Variants in PTH2R observed in about 807,000 individuals in gnomAD.
The protein encoded by PTH2R is PTH2 receptor.
Under a neutral mutation model 60.3 loss-of-function variants are expected in PTH2R, and 59 were observed. The observed-to-expected ratio is 0.98, with a 90% confidence interval of 0.79 to 1.22. The LOEUF is 1.22. Among genes scored for constraint, PTH2R ranks in the 50% most tolerant of loss-of-function variants. PTH2R has a pLI of 0.00. For missense variants in PTH2R, 749 were observed against 682.6 expected (o/e 1.10, Z -1.08); for synonymous variants, 256 against 243.8 (o/e 1.05, Z -0.47).
chr2:208,458,698 T>C (rs891337656), intron 8 of PTH2R, among the ~76,000 whole-genome samples: 6 of 152,162 alleles, frequency 3.9e-5, no homozygotes, highest in Non-Finnish European at 5.9e-5. Flanking sequence ...GAACACGTGG[T>C]ATTTGGTTTT....
chr2:208,459,488 T>G (rs1702587987), intron 8 of PTH2R, among the ~76,000 whole-genome samples: 1 of 152,158 alleles, frequency 6.6e-6, no homozygotes, highest in African/African-American at 2.4e-5. Context: ...TGAAGTAAAA[T>G]AGAATTGCTG....
intron 9 of PTH2R, among the ~76,000 whole-genome samples, chr2:208,476,164 G>C (rs1277093403): frequency 6.6e-6 from 1 of 152,086 alleles, no homozygotes; most frequent in Non-Finnish European, 1.5e-5. Context: ...TGAAAAGAAA[G>C]GGACAAACAA....
chr2:208,434,026 A>G (rs1435356066), intron 2 of PTH2R, among the ~76,000 whole-genome samples: 1 of 152,182 alleles, frequency 6.6e-6, no homozygotes, highest in South Asian at 2.1e-4. Context: ...TAAGACCTCT[A>G]TTTTTGGCCA....
At chr2:208,431,354 A>G (rs1037651417) in intron 2 of PTH2R, among the ~76,000 whole-genome samples, 1 of 152,084 alleles carries the variant, frequency 6.6e-6, no homozygotes, top group African/African-American at 2.4e-5. Flanking sequence ...GATAATTGTA[A>G]TATCTATAGA....
In PTH2R at chr2:208,454,400, T is replaced by C. The variant is rs183677551; in HGVS notation, c.914+3591T>C. Among the ~76,000 whole-genome samples the C allele has an allele frequency of 1.7e-3, 253 of 152,282 alleles. 8 individuals carry two copies. The highest frequency in any genetic ancestry group is 0.016 in the Admixed American group (251 of 15,292). ...AGGTCATGAGAGTGGGGCCCTGTTA[T>C]GAAAGGATTAGTGTCCTTATAAGAA... On this transcript the variant is annotated intron_variant, in intron 8 of 12. Coordinates refer to ENST00000272847, the MANE Select transcript of PTH2R (RefSeq NM_005048.4).
chr2:208,442,157 T>C (rs974828673), intron 4 of PTH2R, among the ~76,000 whole-genome samples: 1 of 152,184 alleles, frequency 6.6e-6, no homozygotes, highest in Non-Finnish European at 1.5e-5. Flanking sequence ...GGGTGTTTTT[T>C]TGACTAGCAA....
intron 9 of PTH2R, among the ~76,000 whole-genome samples, chr2:208,464,409 G>A (rs942412385): frequency 2.6e-5 from 4 of 152,170 alleles, no homozygotes; most frequent in Admixed American, 1.3e-4. Context: ...CCTGACGGGC[G>A]CCCGAGGTCT....
intron 2 of PTH2R, among the ~76,000 whole-genome samples, chr2:208,429,787 T>C (rs957778901): frequency 6.6e-6 from 1 of 152,206 alleles, no homozygotes; most frequent in Admixed American, 6.5e-5. Flanking sequence ...CTCATTCTTT[T>C]ATTAAACTTT....
At chr2:208,401,949 C>T (rs1000938955), upstream of PTH2R, among the ~76,000 whole-genome samples, 1 of 152,192 alleles carries the variant, frequency 6.6e-6, no homozygotes. Context: ...ACCTGTTCTA[C>T]AAGAGCCAAC....
At chr2:208,377,017 C>A (rs150756307) in intron 1 of PTH2R, among the ~76,000 whole-genome samples, 3 of 151,932 alleles carry the variant, frequency 2.0e-5, no homozygotes, top group African/African-American at 4.9e-5. Context: ...GAGGACCCTG[C>A]GGGCTTCCAC....
chr2:208,373,297 C>G (rs1049094443), intron 1 of PTH2R, among the ~76,000 whole-genome samples: 1 of 151,802 alleles, frequency 6.6e-6, no homozygotes, highest in African/African-American at 2.4e-5. Context: ...GAATTTTTTT[C>G]TTTTTGTAAA....
chr2:208,469,717 C>T (rs1702838167), intron 9 of PTH2R: 3 of 152,158 alleles, frequency 2.0e-5, no homozygotes, highest in African/African-American at 7.2e-5. Flanking sequence ...TAAATGTCCC[C>T]AAATGTAATC....
At chr2:208,428,088 A>C (rs2105854255) in intron 1 of PTH2R, 113 bp from the exon 2 acceptor site, 1 of 744,948 alleles carries the variant, frequency 1.3e-6, no homozygotes, top group Admixed American at 2.8e-5. Flanking sequence ...ACTATTTCAA[A>C]TAGCTTGATA....
At chr2:208,446,516 C>T (rs769003329) in intron 7 of PTH2R, among the ~76,000 whole-genome samples, 4 of 152,174 alleles carry the variant, frequency 2.6e-5, no homozygotes, top group Non-Finnish European at 4.4e-5. Flanking sequence ...TGTCTGTGAA[C>T]GCATTTTACA....
At position 208,363,901 on chromosome 2, in the gene PTH2R, T is replaced by G. The variant is rs576140331; in HGVS notation, c.-259+3664T>G. ...TTGTTAATTTAAGTTTCATGTAGAT[T>G]CTGGATATTAGACCTTTGTCAAATG... is the stretch of plus-strand genomic sequence containing the variant. On this transcript the variant is annotated intron_variant, in intron 1 of 12. Transcript: ENST00000617735. 1.3e-3 allele frequency among the ~76,000 whole-genome samples: 194 copies of G among 152,342 alleles called. 1 individual carries two copies. The highest frequency in any genetic ancestry group is 2.2e-3 in the Non-Finnish European group (148 of 68,020).
chr2:208,436,834 C>CA (rs781111290), intron 2 of PTH2R, among the ~76,000 whole-genome samples: 160 of 151,426 alleles, frequency 1.1e-3, no homozygotes, highest in East Asian at 3.1e-3. Flanking sequence ...TTGAGAACTA[C>CA]AAAAAAAAGG....
chr2:208,370,453 A>T (rs891093877), intron 1 of PTH2R, among the ~76,000 whole-genome samples: 16 of 139,242 alleles, frequency 1.1e-4, no homozygotes, highest in Non-Finnish European at 1.2e-4. Flanking sequence ...AAAAAAAAAA[A>T]AAAAAAAAAA....
intron 9 of PTH2R, among the ~76,000 whole-genome samples, chr2:208,478,794 A>G (rs964711132): frequency 6.6e-6 from 1 of 152,156 alleles, no homozygotes; most frequent in African/African-American, 2.4e-5. Flanking sequence ...GGGCTGCATT[A>G]AGGCCCTGCC....
chr2:208,447,639 AAAT>A (rs1702315769), intron 7 of PTH2R, among the ~76,000 whole-genome samples: 1 of 150,220 alleles, frequency 6.7e-6, no homozygotes, highest in African/African-American at 2.4e-5. Flanking sequence ...ATAAATAAAT[AAAT>A]AATAGGAAGG....
Sources: gnomAD v4.1 joint callset for allele counts (sites outside exome capture counted in the v4.1 genomes callset) on GRCh38, gnomAD v4.1.1 for gene constraint, MANE v1.5 for transcripts, NCBI Gene and HGNC (gene_info 2026-07-23, HGNC 2026-07-21) for gene names.